The following SCN2A variants were observed in gnomAD, a reference collection of about 807,000 sequenced individuals.
SCN2A encodes sodium voltage-gated channel alpha subunit 2.
In SCN2A, 20 loss-of-function variants were observed where a neutral mutation model predicts 188.7. That is an observed-to-expected ratio of 0.11 (90% CI 0.07 to 0.15). SCN2A has a LOEUF of 0.15. Ranked by LOEUF, SCN2A falls within the 10% of genes least tolerant of loss-of-function variation. The probability of loss-of-function intolerance (pLI) is 1.00; values close to 1 mark genes in which losing one functional copy is unlikely to be tolerated. For missense variants in SCN2A, 1,278 were observed against 2,445.0 expected (o/e 0.52, Z 10.07); for synonymous variants, 804 against 833.1 (o/e 0.97, Z 0.60).
intron 1 of SCN2A, chr2:165,273,598 T>G (rs912264928): frequency 6.6e-6 from 1 of 152,110 alleles, no homozygotes; most frequent in Admixed American, 6.6e-5. Flanking sequence ...CCTCCCTCCC[T>G]CTCTCTCTTT....
intron 19 of SCN2A, among the ~76,000 whole-genome samples, chr2:165,368,072 C>T (rs752429836): frequency 2.6e-5 from 4 of 152,102 alleles, no homozygotes; most frequent in Non-Finnish European, 5.9e-5. Context: ...TGAGTTTGTA[C>T]AAATGACTTG....
chr2:165,374,738 G>A lies in SCN2A; in HGVS notation c.4026G>A (p.Leu1342=). Residue 1342 remains leucine (L), a synonymous_variant, in exon 22 of 27, where the codon CTG becomes CTA. Coordinates refer to ENST00000375437, the MANE Select transcript of SCN2A (RefSeq NM_001040142.2). ...GAIPSIMNVL[L]VCLIFWLIFS... is the part of the protein sequence containing the mutation. ...TTCCATCTATCATGAATGTACTTCT[G>A]GTTTGTCTGATCTTTTGGCTAATAT... 2 of 1,613,388 alleles carry A rather than the reference G, an allele frequency of 1.2e-6. No individual in the cohort carries two copies. The highest frequency in any genetic ancestry group is 1.7e-6 in the Non-Finnish European group (2 of 1,179,590).
chr2:165,354,798 T>A (rs1301656655), intron 17 of SCN2A, 127 bp downstream of exon 17: 1 of 928,878 alleles, frequency 1.1e-6, no homozygotes. Context: ...TAGCAATATA[T>A]TTTCCATGGA....
At chr2:165,304,147 G>A (rs746200587) in intron 3 of SCN2A, among the ~76,000 whole-genome samples, 57 of 152,142 alleles carry the variant, frequency 3.7e-4, no homozygotes, top group Non-Finnish European at 4.6e-4. Flanking sequence ...ACCCAGGCTG[G>A]AGTGCAATGG....
intron 1 of SCN2A, chr2:165,290,774 G>C: frequency 1.0e-6 from 1 of 985,194 alleles, no homozygotes; most frequent in South Asian, 4.7e-5. Flanking sequence ...CTTACTATGG[G>C]GAAGGAATCT....
At chr2:165,352,636 A>T (rs1424397727) in intron 16 of SCN2A, among the ~76,000 whole-genome samples, 1 of 152,162 alleles carries the variant, frequency 6.6e-6, no homozygotes, top group Admixed American at 6.5e-5. Context: ...GAAAATTCAC[A>T]TCTGGCCTCC....
intron 4 of SCN2A, among the ~76,000 whole-genome samples, chr2:165,308,254 C>T (rs1697245398): frequency 1.3e-5 from 2 of 151,982 alleles, no homozygotes; most frequent in African/African-American, 4.8e-5. Context: ...TTTTTATGTT[C>T]CTTTTTTAAT....
rs1009009908 is a variant in SCN2A at position 165,346,437 on chromosome 2, A to G, written c.2919+1526A>G. On this transcript the variant is annotated intron_variant, in intron 16 of 26. Coordinates refer to ENST00000375437, the MANE Select transcript of SCN2A (RefSeq NM_001040142.2). ...TTCTTTTTTCTCTAATCTTATCTTC[A>G]TGCTTTACAAATTTAACTCAACATG... is the stretch of plus-strand genomic sequence containing the variant. Among the ~76,000 whole-genome samples the G allele has an allele frequency of 2.6e-5, 4 of 152,010 alleles. No individual in the cohort carries two copies. In the East Asian group the frequency reaches 7.7e-4, roughly 29 times the overall value.
chr2:165,338,943 G>A (rs969308824), intron 14 of SCN2A, among the ~76,000 whole-genome samples: 3 of 152,210 alleles, frequency 2.0e-5, no homozygotes, highest in African/African-American at 4.8e-5. Context: ...ACATCTAGCC[G>A]GGCGTGGAGG....
intron 7 of SCN2A, 97 bp from the exon 8 acceptor site, chr2:165,311,928 T>C (rs1697456384): frequency 7.9e-6 from 6 of 760,932 alleles, no homozygotes; most frequent in Non-Finnish European, 1.2e-5. Context: ...CATCTCATTA[T>C]GATTGAAAAC....
chr2:165,296,278 C>A, intron 2 of SCN2A, 188 bp downstream of exon 2: 1 of 621,552 alleles, frequency 1.6e-6, no homozygotes, highest in Non-Finnish European at 2.8e-6. Flanking sequence ...TTTGAACCTG[C>A]ATTTGTGAGA....
rs1024632846 is a variant in SCN2A, at chr2:165,239,588, A to G, written c.-104A>G. The stretch of plus-strand genomic sequence containing the variant: ...GAAGAATTGCATTGGAGACTGTTAT[A>G]TTCAACACATACGTGGATTCTGTGT... On this transcript the variant is annotated 5_prime_UTR_variant, in exon 1 of 27. It adds an upstream start codon to the 5' untranslated region. Coordinates refer to ENST00000375437, the MANE Select transcript of SCN2A (RefSeq NM_001040142.2). 2.0e-6 allele frequency: 2 copies of G among 976,308 alleles called. No homozygotes were observed. Among genetic ancestry groups the G allele is most frequent in the Non-Finnish European group, 1.2e-6 (1 of 821,750 alleles). 60.5% of individuals were successfully genotyped at this position (976,308 alleles called of 1,614,324 possible). A position where few individuals can be genotyped will look rare whatever the true frequency, so the allele number is the denominator to read the frequency against.
Position 165,319,209 on chromosome 2 carries a change from T to C in SCN2A, c.1671+3451T>C, listed in dbSNP as rs1574581467. Among the ~76,000 whole-genome samples, 9 of 152,018 alleles carry C rather than the reference T, an allele frequency of 5.9e-5. No individual in the cohort carries two copies. In the South Asian group the frequency reaches 1.7e-3, roughly 28 times the overall value. On this transcript the variant is annotated intron_variant, in intron 11 of 26. Transcript: ENST00000375437. ...AAAATTAGCCAGGCGTGGTGGCAGG[T>C]GCCTGTAGTCCCAGCTGCTCGGGAG...
intron 1 of SCN2A, among the ~76,000 whole-genome samples, chr2:165,240,376 A>G (rs1693561546): frequency 6.6e-6 from 1 of 152,044 alleles, no homozygotes; most frequent in Non-Finnish European, 1.5e-5. Context: ...TCACATTTTA[A>G]ATTATTTTAG....
At chr2:165,327,645 A>T (rs901319320) in intron 13 of SCN2A, 1 of 153,144 alleles carries the variant, frequency 6.5e-6, no homozygotes, top group Non-Finnish European at 1.5e-5. Context: ...TTTGAATTTC[A>T]GTCTCCTCAT....
At chr2:165,368,047 G>A (rs181558362) in intron 19 of SCN2A, among the ~76,000 whole-genome samples, 1 of 152,242 alleles carries the variant, frequency 6.6e-6, no homozygotes, top group Admixed American at 6.5e-5. Flanking sequence ...GTTCATGTCC[G>A]GCGTCCAGGA....
intron 1 of SCN2A, among the ~76,000 whole-genome samples, chr2:165,276,227 T>C (rs1222092662): frequency 1.3e-5 from 2 of 151,472 alleles, no homozygotes; most frequent in Non-Finnish European, 2.9e-5. Flanking sequence ...TGATATTTCA[T>C]AATAAGGTGT....
intron 1 of SCN2A, chr2:165,269,078 T>C (rs1189969992): frequency 6.6e-6 from 1 of 151,968 alleles, no homozygotes; most frequent in African/African-American, 2.4e-5. Flanking sequence ...GGATATCTAT[T>C]GTACTATGTA....
chr2:165,295,636 AC>A (rs1696465688), intron 1 of SCN2A, 136 bp from the exon 2 acceptor site: 1 of 788,856 alleles, frequency 1.3e-6, no homozygotes, highest in Admixed American at 2.5e-5. Context: ...TTCCCTGAAT[AC>A]CAAATACAGC....
Sources: gnomAD v4.1 joint callset for allele counts (sites outside exome capture counted in the v4.1 genomes callset) on GRCh38, gnomAD v4.1.1 for gene constraint, MANE v1.5 for transcripts, NCBI Gene and HGNC (gene_info 2026-07-23, HGNC 2026-07-21) for gene names.